The following TAF4 variants were observed in gnomAD, a reference collection of about 807,000 sequenced individuals.
The protein encoded by TAF4 is TATA-box binding protein associated factor 4.
In TAF4, 9 loss-of-function variants were observed where a neutral mutation model predicts 90.3. The ratio of observed to expected loss-of-function variants is 0.10; its 90% CI spans 0.06 to 0.17. The LOEUF is 0.17. Among genes scored for constraint, TAF4 ranks in the 10% least tolerant of loss-of-function variants. The probability of loss-of-function intolerance (pLI) is 1.00; values close to 1 mark genes in which losing one functional copy is unlikely to be tolerated. For synonymous variants in TAF4, 818 were observed against 638.9 expected, an observed-to-expected ratio of 1.28 and a Z score of -4.23; for missense variants, 1,351 against 1,370.7, an observed-to-expected ratio of 0.99 and a Z score of 0.23.
In TAF4 at chr20:61,998,119, C is replaced by A. The variant is rs369143235; in HGVS notation, c.2970+17G>T. ...ACAGCAAAGTGCCCACGAGCACTCA[C>A]GACTAACAGGGCTCACCTCCTTTGC... On this transcript the variant is annotated intron_variant, in intron 13 of 14. Transcript: ENST00000252996. 6.2e-7 allele frequency: 1 copy of A among 1,613,578 alleles called. No individual in the cohort carries two copies. Among genetic ancestry groups the A allele is most frequent in the Non-Finnish European group, 8.5e-7 (1 of 1,179,856 alleles).
rs1255191972 is a variant in TAF4, at chr20:62,056,082, C to A, written c.1360+8369G>T. 3.3e-5 allele frequency among the ~76,000 whole-genome samples: 5 copies of A among 152,258 alleles called. No individual in the cohort carries two copies. In the East Asian group the frequency reaches 9.7e-4, roughly 29 times the overall value. On this transcript the variant is annotated intron_variant, in intron 1 of 14. Transcript: ENST00000252996. ...TGAAACCCCGTCACTACTAAAAATA[C>A]AACAATTAGCTGGGTGTGGTGGTAC...
chr20:62,022,456 G>C (rs1359131145), intron 1 of TAF4, among the ~76,000 whole-genome samples: 4 of 152,176 alleles, frequency 2.6e-5, no homozygotes, highest in Non-Finnish European at 5.9e-5. Flanking sequence ...AGTGGAAAGG[G>C]GTGGTCTGAA....
intron 1 of TAF4, among the ~76,000 whole-genome samples, chr20:62,027,347 C>T (rs940362860): frequency 3.3e-5 from 5 of 152,204 alleles, no homozygotes; most frequent in Non-Finnish European, 5.9e-5. Context: ...CCTTCAGCAT[C>T]GGCCTACACA....
chr20:62,007,884 G>C, intron 5 of TAF4: 1 of 398,614 alleles, frequency 2.5e-6, no homozygotes, highest in Non-Finnish European at 4.5e-6. Flanking sequence ...TCTACTTCTC[G>C]TCTTTTTCTA....
At chr20:62,052,745 C>T (rs1240646179) in intron 1 of TAF4, among the ~76,000 whole-genome samples, 1 of 146,884 alleles carries the variant, frequency 6.8e-6, no homozygotes, top group Non-Finnish European at 1.5e-5. Flanking sequence ...CACCGCCCCC[C>T]ACACCCCACA....
intron 14 of TAF4, among the ~76,000 whole-genome samples, chr20:61,982,723 C>A (rs924001134): frequency 2.0e-5 from 3 of 152,064 alleles, no homozygotes; most frequent in African/African-American, 7.3e-5. Flanking sequence ...AGAGGAGACA[C>A]CAAACCCAAT....
intron 14 of TAF4, among the ~76,000 whole-genome samples, chr20:61,985,965 G>GAACCACCATCCCCAATCA (rs1207195347): frequency 6.3e-4 from 95 of 150,862 alleles, no homozygotes; most frequent in African/African-American, 8.6e-4. Context: ...CCGACCAAAG[G>GAACCACCATCCCCAATCA]AAGCACCATC....
intron 1 of TAF4, among the ~76,000 whole-genome samples, chr20:62,032,047 G>T (rs916626677): frequency 6.6e-5 from 10 of 152,156 alleles, no homozygotes; most frequent in Non-Finnish European, 4.4e-5. Context: ...CTCCCATCTC[G>T]CACTCTTCCT....
intron 1 of TAF4, among the ~76,000 whole-genome samples, chr20:62,053,155 A>C (rs1296739497): frequency 6.6e-6 from 1 of 152,150 alleles, no homozygotes; most frequent in South Asian, 2.1e-4. Flanking sequence ...AGAGCACCCG[A>C]AAGTGGAAGA....
At chr20:61,979,242 G>A (rs1260966624) in intron 14 of TAF4, 2 of 152,832 alleles carry the variant, frequency 1.3e-5, no homozygotes, top group South Asian at 2.1e-4. Flanking sequence ...AACCCCTCAC[G>A]GGCTGTGCCC....
At chr20:62,000,296 GCA>G (rs1362970277) in intron 10 of TAF4, 42 bp from the exon 11 acceptor site, 2 of 1,601,874 alleles carry the variant, frequency 1.2e-6, no homozygotes, top group African/African-American at 2.7e-5. Context: ...AAATCATTAA[GCA>G]CAGTTCTTTC....
intron 14 of TAF4, among the ~76,000 whole-genome samples, chr20:61,979,808 T>A (rs1351348120): frequency 1.4e-5 from 2 of 144,746 alleles, no homozygotes; most frequent in Non-Finnish European, 3.0e-5. Context: ...GCAGGCGCCG[T>A]GGCCACTCCA....
intron 1 of TAF4, among the ~76,000 whole-genome samples, chr20:62,051,511 T>C (rs889925719): frequency 1.3e-5 from 2 of 152,064 alleles, no homozygotes; most frequent in African/African-American, 4.8e-5. Flanking sequence ...ATCTCGGCCC[T>C]GCAGCATGAG....
intron 7 of TAF4, 146 bp from the exon 8 acceptor site, chr20:62,004,024 C>T: frequency 9.7e-7 from 1 of 1,030,778 alleles, no homozygotes; most frequent in South Asian, 1.8e-5. Flanking sequence ...TGCAGCTCAG[C>T]CCCAGCAGGC....
At chr20:61,990,590 C>T (rs927088483) in intron 14 of TAF4, among the ~76,000 whole-genome samples, 2 of 152,150 alleles carry the variant, frequency 1.3e-5, no homozygotes, top group Admixed American at 6.5e-5. Flanking sequence ...AGCAGCAGGT[C>T]CCTCCAAGAG....
intron 14 of TAF4, 113 bp from the exon 15 acceptor site, chr20:61,976,448 C>G: frequency 3.1e-6 from 4 of 1,274,228 alleles, no homozygotes; most frequent in Admixed American, 1.9e-5. Context: ...AGGCCTGGCA[C>G]GGGCTCCTTC....
At chr20:62,036,828 A>G (rs2055935041) in intron 1 of TAF4, among the ~76,000 whole-genome samples, 1 of 152,230 alleles carries the variant, frequency 6.6e-6, no homozygotes, top group East Asian at 1.9e-4. Context: ...CTGAAACCCA[A>G]TCCCCAAGGT....
chr20:62,009,292 C>T, intron 4 of TAF4, 118 bp from the exon 5 acceptor site: 1 of 1,124,764 alleles, frequency 8.9e-7, no homozygotes, highest in African/African-American at 1.6e-5. Context: ...CTCTAAACTT[C>T]TTTCAAGAAA....
rs553117552 is a variant in TAF4 at position 62,010,516 on chromosome 20, C to A, written c.1642-351G>T. Among the ~76,000 whole-genome samples, 1 of 152,150 alleles carries A rather than the reference C, an allele frequency of 6.6e-6. No homozygotes were observed. Among genetic ancestry groups the A allele is most frequent in the South Asian group, 2.1e-4 (1 of 4,824 alleles). Reference sequence around the variant, plus strand: ...AATAATCCTAACAGGCAACCCAGATCCCCATCTCTCAGAAATCAAAACAAC... The same window carrying A: ...AATAATCCTAACAGGCAACCCAGATACCCATCTCTCAGAAATCAAAACAAC... On this transcript the variant is annotated intron_variant, in intron 3 of 14. Transcript: ENST00000252996. The surrounding 1 kb of genome is among the most constrained non-coding windows in gnomAD (Gnocchi z 4.5).
Sources: allele counts gnomAD v4.1 joint callset (sites outside exome capture counted in the v4.1 genomes callset), GRCh38; gene constraint gnomAD v4.1.1; non-coding constraint Gnocchi (gnomAD v3.1); transcripts MANE v1.5; gene names NCBI Gene and HGNC (gene_info 2026-07-23, HGNC 2026-07-21).